The following PHTF2 variants were observed in gnomAD, a reference collection of about 807,000 sequenced individuals.
PHTF2 encodes putative homeodomain transcription factor 2, also known as protein PHTF2.
A neutral mutation model predicts 101.2 loss-of-function variants in PHTF2; 60 were observed. That is an observed-to-expected ratio of 0.59 (90% CI 0.48 to 0.73). The LOEUF is 0.73. Among genes scored for constraint, PHTF2 ranks in the 30% least tolerant of loss-of-function variants. The probability of loss-of-function intolerance (pLI) is 0.00; values close to 1 mark genes in which losing one functional copy is unlikely to be tolerated. For missense variants in PHTF2, 747 were observed against 908.7 expected (o/e 0.82, Z 2.29); for synonymous variants, 311 against 307.3 (o/e 1.01, Z -0.13).
chr7:77,941,441 A>G (rs35462861), intron 15 of PHTF2, among the ~76,000 whole-genome samples: 16,730 of 152,122 alleles, frequency 0.11, 1,343 homozygotes, highest in African/African-American at 0.22. Context: ...AATTTCCTCC[A>G]TTGTCAACCC....
At chr7:77,928,923 T>G (rs3779350) in intron 11 of PHTF2, among the ~76,000 whole-genome samples, 186 bp from the exon 11 acceptor site, 15,411 of 152,294 alleles carry the variant, frequency 0.1, 1,062 homozygotes, top group South Asian at 0.19. Context: ...AAATAAATTT[T>G]GATGTGAAGG....
chr7:77,875,525 A>G (rs560601205), intron 3 of PHTF2, among the ~76,000 whole-genome samples: 1,859 of 124,486 alleles, frequency 0.015, 38 homozygotes, highest in African/African-American at 0.063. Flanking sequence ...TAATAATAAC[A>G]GGTAATATTT....
At chr7:77,927,178 ATAT>A (rs1486020432) in intron 11 of PHTF2, among the ~76,000 whole-genome samples, 66 of 45,170 alleles carry the variant, frequency 1.5e-3, no homozygotes, top group South Asian at 6.8e-3. Context: ...AAAAAAAAAA[ATAT>A]ATATATATAT....
intron 9 of PHTF2, 76 bp downstream of exon 8, chr7:77,910,485 G>A (rs1802285290): frequency 2.0e-6 from 2 of 987,422 alleles, no homozygotes; most frequent in Middle Eastern, 2.2e-4. Flanking sequence ...CTCAGGTAAT[G>A]AATATTAATT....
intron 11 of PHTF2, among the ~76,000 whole-genome samples, chr7:77,925,534 A>T (rs1161144937): frequency 7.8e-5 from 7 of 90,172 alleles, no homozygotes; most frequent in Admixed American, 1.7e-4. Flanking sequence ...TTTGAGACAG[A>T]GTTTCACTCT....
At chr7:77,909,159 G>A (rs909627666) in intron 8 of PHTF2, 40 of 370,758 alleles carry the variant, frequency 1.1e-4, no homozygotes, top group African/African-American at 8.1e-4. Flanking sequence ...ACATGCCTGT[G>A]TTTTTGTTTC....
chr7:77,863,795 T>G (rs1485654723), intron 3 of PHTF2, among the ~76,000 whole-genome samples: 2 of 151,418 alleles, frequency 1.3e-5, no homozygotes, highest in Non-Finnish European at 2.9e-5. Context: ...TTGTTTTTTT[T>G]TTTTTTTGGA....
chr7:77,932,621 A>AGAGAGTGT (rs759880633), intron 12 of PHTF2, among the ~76,000 whole-genome samples: 6 of 118,558 alleles, frequency 5.1e-5, no homozygotes, highest in South Asian at 6.3e-4. Context: ...AGAGAGAGAG[A>AGAGAGTGT]GTGTGTGTGT....
chr7:77,923,638 C>G, intron 11 of PHTF2: 1 of 984,044 alleles, frequency 1.0e-6, no homozygotes, highest in South Asian at 4.7e-5. Flanking sequence ...TGTGTCTGCT[C>G]TATTGCCTCT....
intron 3 of PHTF2, among the ~76,000 whole-genome samples, chr7:77,880,496 A>T (rs1415556005): frequency 1.3e-5 from 2 of 152,064 alleles, no homozygotes; most frequent in East Asian, 3.9e-4. Flanking sequence ...TCACACCAAG[A>T]TGTCTTACAA....
chr7:77,870,942 T>G (rs1798464906), intron 3 of PHTF2, among the ~76,000 whole-genome samples: 1 of 152,230 alleles, frequency 6.6e-6, no homozygotes, highest in Non-Finnish European at 1.5e-5. Flanking sequence ...AATGAAGATA[T>G]TTTCTTAGTA....
intron 2 of PHTF2, among the ~76,000 whole-genome samples, chr7:77,852,218 A>T (rs1796821088): frequency 6.6e-6 from 1 of 152,170 alleles, no homozygotes; most frequent in African/African-American, 2.4e-5. Flanking sequence ...TTGACTGGGC[A>T]TGGTGGCTCC....
At chr7:77,832,840 T>C (rs1795173750) in intron 1 of PHTF2, among the ~76,000 whole-genome samples, 1 of 152,008 alleles carries the variant, frequency 6.6e-6, no homozygotes, top group African/African-American at 2.4e-5. Context: ...AAATAAAGTA[T>C]ACAATAAATG....
At chr7:77,898,945 C>T (rs1380395394) in intron 5 of PHTF2, among the ~76,000 whole-genome samples, 1 of 152,056 alleles carries the variant, frequency 6.6e-6, no homozygotes, top group Non-Finnish European at 1.5e-5. Context: ...GGATTACAGG[C>T]GAGTGCCACC....
exon 4 of PHTF2, chr7:77,893,644 G>A: frequency 1.4e-6 from 2 of 1,418,550 alleles, no homozygotes; most frequent in South Asian, 1.2e-5. Context: ...GGAAAAATCT[G>A]TTGAACAGAG....
At chr7:77,906,986 G>A (rs1202333372) in intron 7 of PHTF2, among the ~76,000 whole-genome samples, 1 of 149,192 alleles carries the variant, frequency 6.7e-6, no homozygotes, top group African/African-American at 2.5e-5. Context: ...ATACATTTAC[G>A]GTGTATAAGC....
intron 3 of PHTF2, among the ~76,000 whole-genome samples, chr7:77,887,330 T>C (rs931579744): frequency 6.6e-6 from 1 of 152,206 alleles, no homozygotes; most frequent in Non-Finnish European, 1.5e-5. Context: ...CTGTTTGATA[T>C]TACTAAATTC....
intron 3 of PHTF2, among the ~76,000 whole-genome samples, chr7:77,885,418 T>C (rs1449763221): frequency 6.6e-6 from 1 of 152,146 alleles, no homozygotes; most frequent in Non-Finnish European, 1.5e-5. Context: ...CAAGACATTC[T>C]GTAATCTCTT....
exon 9 of PHTF2, chr7:77,910,398 C>T: frequency 1.9e-6 from 3 of 1,611,732 alleles, no homozygotes; most frequent in Non-Finnish European, 2.5e-6. Flanking sequence ...ATGCTGCTTT[C>T]TTTTTATCAG....
Sources: allele counts gnomAD v4.1 joint callset (sites outside exome capture counted in the v4.1 genomes callset), GRCh38; gene constraint gnomAD v4.1.1; transcripts MANE v1.5; gene names NCBI Gene and HGNC (gene_info 2026-07-23, HGNC 2026-07-21).